ENTPD5: variants seen among roughly 807,000 people sequenced by gnomAD.
ENTPD5 encodes nucleoside diphosphate phosphatase ENTPD5.
Under a neutral mutation model 60.2 loss-of-function variants are expected in ENTPD5, and 49 were observed. The ratio of observed to expected loss-of-function variants is 0.81; its 90% CI spans 0.65 to 1.03. The LOEUF (loss-of-function observed/expected upper bound fraction) is 1.03, where lower values mean the gene tolerates loss of function less well. Ranked by LOEUF, ENTPD5 falls within the 50% of genes least tolerant of loss-of-function variation. ENTPD5 has a pLI of 0.00. For synonymous variants in ENTPD5, 187 were observed against 185.4 expected (o/e 1.01, Z -0.07); for missense variants, 480 against 507.6 (o/e 0.95, Z 0.52).
At chr14:74,000,255 G>A (rs150336161) in intron 3 of ENTPD5, among the ~76,000 whole-genome samples, 2,329 of 148,106 alleles carry the variant, frequency 0.016, 58 homozygotes, top group African/African-American at 0.053. Context: ...TCAGGAGTTC[G>A]AGACCAGCCT....
chr14:73,974,079 T>C, intron 11 of ENTPD5, 101 bp from the exon 12 acceptor site: 1 of 901,860 alleles, frequency 1.1e-6, no homozygotes, highest in Admixed American at 2.1e-5. Flanking sequence ...CCATGGGGGC[T>C]GGGCCTTAAA....
Position 73,963,775 on chromosome 14 carries a change from A to AT in ENTPD5, c.*3152dup, listed in dbSNP as rs2056861970. On this transcript the variant is annotated 3_prime_UTR_variant, in exon 16 of 16. Transcript: ENST00000334696. ...AAGACCAGAGATGCCTCTTGAAGAG[A>AT]TTTTTAGGTTGTAGGTTTGCTTACT... 1 of 152,178 alleles carries AT rather than the reference A, an allele frequency of 6.6e-6. No homozygotes were observed. The highest frequency in any genetic ancestry group is 2.4e-5 in the African/African-American group (1 of 41,414). 9.4% of individuals were successfully genotyped at this position (152,178 alleles called of 1,614,324 possible).
At chr14:73,961,031 G>T, downstream of ENTPD5, 1 of 942,892 alleles carries the variant, frequency 1.1e-6, no homozygotes, top group Non-Finnish European at 1.6e-6. Flanking sequence ...CACTTGAGGG[G>T]CTTATCACTT....
At chr14:74,004,008 G>C (rs1367282637) in intron 3 of ENTPD5, among the ~76,000 whole-genome samples, 2 of 151,674 alleles carry the variant, frequency 1.3e-5, no homozygotes, top group Non-Finnish European at 2.9e-5. Context: ...GGGAGGCTGA[G>C]GCAGAAGGAT....
At chr14:74,013,966 T>G (rs2058930096) in intron 2 of ENTPD5, among the ~76,000 whole-genome samples, 1 of 152,126 alleles carries the variant, frequency 6.6e-6, no homozygotes, top group South Asian at 2.1e-4. Context: ...CAGGCCGGTC[T>G]CAAAATCCTA....
intron 3 of ENTPD5, among the ~76,000 whole-genome samples, chr14:73,994,849 TGA>T (rs1391413342): frequency 6.6e-6 from 1 of 152,086 alleles, no homozygotes; most frequent in Non-Finnish European, 1.5e-5. Flanking sequence ...AGCTTCTCAG[TGA>T]GACCTTCCTT....
rs147801422 is a variant in ENTPD5, at chr14:73,969,654, A to G, written c.1200+356T>C. 8.6e-4 allele frequency among the ~76,000 whole-genome samples: 131 copies of G among 152,256 alleles called. 1 individual carries two copies. In the East Asian group the frequency reaches 0.017, roughly 20 times the overall value. On this transcript the variant is annotated intron_variant, in intron 15 of 15. Transcript: ENST00000334696. ...AGGAGGCGAAGGTTGCAGTGAGCTG[A>G]GATCATGCCATTGCACTCCAGCCCA...
At chr14:73,957,098 ATTATTT>A (rs1270872942), downstream of ENTPD5, among the ~76,000 whole-genome samples, 75 of 127,508 alleles carry the variant, frequency 5.9e-4, no homozygotes, top group African/African-American at 1.8e-3. Context: ...TATTATTATT[ATTATTT>A]TTTTTTTTTT....
chr14:73,981,054 G>A (rs541901283), intron 6 of ENTPD5, among the ~76,000 whole-genome samples: 2 of 151,920 alleles, frequency 1.3e-5, no homozygotes, highest in Non-Finnish European at 1.5e-5. Context: ...ACCTGAGGTC[G>A]CACTACTGCA....
At position 73,985,675 on chromosome 14, in the gene ENTPD5, CT is replaced by C. The variant is rs2057869200; in HGVS notation, c.297+1138del. ...CAGGTGGGTAGATTGTAAAAATTTT[CT>C]CCCGTTCTGTAGGTTGCCTGTTTAC... On this transcript the variant is annotated intron_variant, in intron 5 of 15. Coordinates refer to ENST00000334696, the MANE Select transcript of ENTPD5 (RefSeq NM_001249.5). Among the ~76,000 whole-genome samples the C allele has an allele frequency of 2.6e-5, 4 of 152,216 alleles. No individual in the cohort carries two copies. The South Asian group carries it at 8.3e-4, about 32-fold the overall frequency.
chr14:73,993,557 CTGG>C (rs2058223396), intron 3 of ENTPD5, among the ~76,000 whole-genome samples: 2 of 152,158 alleles, frequency 1.3e-5, no homozygotes, highest in Non-Finnish European at 2.9e-5. Context: ...GGATAGCTGC[CTGG>C]CCAGGTTCAC....
Position 74,011,141 on chromosome 14 carries a change from CT to C in ENTPD5, c.-122del. 6.8e-6 allele frequency: 6 copies of C among 888,042 alleles called. No homozygotes were observed. The highest frequency in any genetic ancestry group is 8.1e-6 in the Non-Finnish European group (6 of 741,262). The allele number at this position is 888,042 out of a possible 1,614,324, so 55.0% of individuals were successfully genotyped here. ...TCTCCTTGGTTCCTTTATTATATCA[CT>C]TTTTCAACCTGTGTAAGATGGACAT... On this transcript the variant is annotated 5_prime_UTR_variant, in exon 3 of 16. Coordinates refer to ENST00000334696, the MANE Select transcript of ENTPD5 (RefSeq NM_001249.5).
intron 11 of ENTPD5, 118 bp downstream of exon 11, chr14:73,974,806 G>C: frequency 1.2e-6 from 1 of 807,344 alleles, no homozygotes; most frequent in Non-Finnish European, 2.1e-6. Flanking sequence ...TACAACATTT[G>C]CCTCCCAATT....
chr14:73,973,920 C>T lies in ENTPD5; in HGVS notation c.843G>A (p.Trp281Ter). 6.2e-7 allele frequency: 1 copy of T among 1,614,108 alleles called. No homozygotes were observed. The highest frequency in any genetic ancestry group is 8.5e-7 in the Non-Finnish European group (1 of 1,179,990). The change falls in exon 12 of 16, where the codon TGG becomes TGA. Residue 281 changes from tryptophan (W) to a stop codon, truncating the protein, a stop_gained. Coordinates refer to ENST00000334696, the MANE Select transcript of ENTPD5 (RefSeq NM_001249.5). LOFTEE classifies it high-confidence loss of function. ...ACTGGTATTTCACACCCCCAAAGAT[C>T]CACTCTGCTTCCAACCATCTCGGTA... ...ACLPRWLEAE[W>*]IFGGVKYQYG...
chr14:74,000,641 C>T lies in ENTPD5; in HGVS notation c.-71+10450G>A, dbSNP rs867445348. On this transcript the variant is annotated intron_variant, in intron 3 of 15. Coordinates refer to ENST00000334696, the MANE Select transcript of ENTPD5 (RefSeq NM_001249.5). ...ACTAAAAATACAAAAATTGTCCAGG[C>T]GTGGTGGTGTGCCTGTAATCCCAGC... is the stretch of plus-strand genomic sequence containing the variant. 2.7e-5 allele frequency among the ~76,000 whole-genome samples: 4 copies of T among 150,352 alleles called. No homozygotes were observed. In the South Asian group the frequency reaches 6.3e-4, roughly 24 times the overall value.
chr14:73,997,040 G>C (rs1193528167), intron 3 of ENTPD5, among the ~76,000 whole-genome samples: 2 of 152,138 alleles, frequency 1.3e-5, no homozygotes, highest in African/African-American at 2.4e-5. Flanking sequence ...TCTAGGAACA[G>C]ACATAAGGGA....
At chr14:73,990,423 C>T (rs2058083849) in intron 3 of ENTPD5, among the ~76,000 whole-genome samples, 1 of 151,858 alleles carries the variant, frequency 6.6e-6, no homozygotes, top group South Asian at 2.1e-4. Context: ...CAATCATCAC[C>T]TCCCGGGCTC....
chr14:74,003,542 C>G (rs1322160816), intron 3 of ENTPD5: 3 of 811,510 alleles, frequency 3.7e-6, no homozygotes, highest in Non-Finnish European at 6.0e-6. Context: ...GCTGGGGATG[C>G]TGGTACAAGT....
At chr14:73,969,891 C>A in intron 15 of ENTPD5, 119 bp downstream of exon 15, 1 of 721,326 alleles carries the variant, frequency 1.4e-6, no homozygotes. Context: ...TGTCCATAGC[C>A]CAAACAAAAA....
Sources: allele counts gnomAD v4.1 joint callset (sites outside exome capture counted in the v4.1 genomes callset), GRCh38; gene constraint gnomAD v4.1.1; transcripts MANE v1.5; gene names NCBI Gene and HGNC (gene_info 2026-07-23, HGNC 2026-07-21).